CDC40: variants seen among roughly 807,000 people sequenced by gnomAD.
CDC40 encodes pre-mRNA-processing factor 17.
In CDC40, 27 loss-of-function variants were observed where a neutral mutation model predicts 80.6. The ratio of observed to expected loss-of-function variants is 0.33; its 90% CI spans 0.25 to 0.46. CDC40 has a LOEUF of 0.46. Ranked by LOEUF, CDC40 falls within the 20% of genes least tolerant of loss-of-function variation. CDC40 has a pLI of 1.00. For missense variants in CDC40, 486 were observed against 694.1 expected (o/e 0.70, Z 3.37); for synonymous variants, 221 against 232.6 (o/e 0.95, Z 0.45).
At chr6:110,223,766 A>G (rs543474656) in intron 12 of CDC40, among the ~76,000 whole-genome samples, 4 of 152,178 alleles carry the variant, frequency 2.6e-5, no homozygotes, top group Non-Finnish European at 5.9e-5. Flanking sequence ...TCTAAAGGAG[A>G]ATAAAAGCTA....
chr6:110,197,115 T>G (rs1322687412), intron 2 of CDC40, among the ~76,000 whole-genome samples: 2 of 152,184 alleles, frequency 1.3e-5, no homozygotes, highest in Non-Finnish European at 2.9e-5. Flanking sequence ...ATCCACATCC[T>G]TATAGTATCA....
chr6:110,212,684 T>C (rs762463659), intron 7 of CDC40, among the ~76,000 whole-genome samples: 7 of 152,184 alleles, frequency 4.6e-5, no homozygotes, highest in Non-Finnish European at 8.8e-5. Context: ...GTTTATAAAC[T>C]ATGGTAATTT....
chr6:110,217,395 T>C (rs1376305823), intron 9 of CDC40, among the ~76,000 whole-genome samples: 1 of 152,242 alleles, frequency 6.6e-6, no homozygotes, highest in Non-Finnish European at 1.5e-5. Flanking sequence ...TTGTATGTAC[T>C]GCATATTAAG....
intron 1 of CDC40, among the ~76,000 whole-genome samples, chr6:110,187,826 A>G (rs147966158): frequency 8.9e-4 from 135 of 152,318 alleles, no homozygotes; most frequent in African/African-American, 3.1e-3. Context: ...GGTGCCCTTC[A>G]CTTACTGCAT....
At chr6:110,193,917 A>G (rs1777385126) in intron 2 of CDC40, among the ~76,000 whole-genome samples, 1 of 152,210 alleles carries the variant, frequency 6.6e-6, no homozygotes, top group Admixed American at 6.5e-5. Flanking sequence ...ACCATAAAGG[A>G]AAATATTGGG....
intron 13 of CDC40, 55 bp from the exon 14 acceptor site, chr6:110,228,777 G>C: frequency 1.4e-6 from 2 of 1,394,654 alleles, no homozygotes. Flanking sequence ...AAAATAAAAA[G>C]TTTTAAAAAT....
intron 12 of CDC40, 60 bp downstream of exon 12, chr6:110,219,929 G>A: frequency 6.5e-7 from 1 of 1,543,640 alleles, no homozygotes. Context: ...AAATTATATA[G>A]ACAAAGATGA....
intron 1 of CDC40, among the ~76,000 whole-genome samples, chr6:110,185,194 C>A (rs982623090): frequency 6.6e-6 from 1 of 150,846 alleles, no homozygotes. Flanking sequence ...GTTTCTGTCA[C>A]TTCTTTCTTT....
rs1289302294 is a variant in CDC40 at position 110,230,962 on chromosome 6, G to A, written c.*831G>A. The A allele has an allele frequency of 6.6e-6, 1 of 152,208 alleles. No homozygotes were observed. Among genetic ancestry groups the A allele is most frequent in the East Asian group, 1.9e-4 (1 of 5,200 alleles). 9.4% of individuals were successfully genotyped at this position (152,208 alleles called of 1,614,324 possible). ...GTGATTACTGAAATCCTCCTCATAG[G>A]AGATAAAGTACGAGGGGTAGAGTCC... On this transcript the variant is annotated 3_prime_UTR_variant, in exon 15 of 15. Transcript: ENST00000307731.
intron 1 of CDC40, among the ~76,000 whole-genome samples, chr6:110,183,567 C>T (rs962658215): frequency 1.3e-5 from 2 of 152,118 alleles, no homozygotes; most frequent in Non-Finnish European, 2.9e-5. Context: ...GGGCATTGCT[C>T]ATTGTTGGTT....
Position 110,230,016 on chromosome 6 carries a change from T to C in CDC40, c.1625T>C (p.Leu542Pro). The change falls in exon 15 of 15, where the codon CTC (leucine) becomes CCC (proline). Residue 542 changes from leucine to proline, a missense_variant. Transcript: ENST00000307731. ...LNIWDWKTTK[L>P]YSRFKAHDKV... ...ATTTGGGACTGGAAGACCACAAAAC[T>C]CTACAGTCGATTTAAAGCTCATGAT... is the stretch of plus-strand genomic sequence containing the variant. 2 of 1,612,474 alleles carry C rather than the reference T, an allele frequency of 1.2e-6. No individual in the cohort carries two copies. The highest frequency in any genetic ancestry group is 1.7e-6 in the Non-Finnish European group (2 of 1,178,672).
At position 110,231,235 on chromosome 6, in the gene CDC40, C is replaced by T. The variant is rs927601012; in HGVS notation, c.*1104C>T. On this transcript the variant is annotated 3_prime_UTR_variant, in exon 15 of 15. Coordinates refer to ENST00000307731, the MANE Select transcript of CDC40 (RefSeq NM_015891.3). ...TCAAGATAGTCCGGACGCGGTGGCA[C>T]ATGCCTGTAATCCCAGCACTTTGGG... 18 of 152,394 alleles carry T rather than the reference C, an allele frequency of 1.2e-4. No individual in the cohort carries two copies. The highest frequency in any genetic ancestry group is 4.3e-4 in the African/African-American group (18 of 41,576). The allele number at this position is 152,394 out of a possible 1,614,324, so 9.4% of individuals were successfully genotyped here. A position where few individuals can be genotyped will look rare whatever the true frequency, so the allele number is the denominator to read the frequency against.
intron 1 of CDC40, among the ~76,000 whole-genome samples, chr6:110,190,261 A>C (rs1372901674): frequency 6.6e-6 from 1 of 152,242 alleles, no homozygotes; most frequent in Non-Finnish European, 1.5e-5. Flanking sequence ...GGCATTGCCT[A>C]AGGTACAAGG....
intron 2 of CDC40, among the ~76,000 whole-genome samples, chr6:110,198,657 T>G (rs144090498): frequency 2.0e-5 from 3 of 152,368 alleles, no homozygotes; most frequent in African/African-American, 7.2e-5. Context: ...ATGTTTTATG[T>G]AAGGAGATTG....
chr6:110,221,865 CTTTTTTT>C (rs200106149), intron 12 of CDC40, among the ~76,000 whole-genome samples: 1 of 121,266 alleles, frequency 8.2e-6, no homozygotes, highest in Non-Finnish European at 1.8e-5. Context: ...TAGTATGTTT[CTTTTTTT>C]TTTTTTTTTT....
At position 110,230,256 on chromosome 6, in the gene CDC40, A is replaced by T. The variant is rs1777918409; in HGVS notation, c.*125A>T. 1.7e-6 allele frequency: 1 copy of T among 602,738 alleles called. No individual in the cohort carries two copies. Among genetic ancestry groups the T allele is most frequent in the South Asian group, 2.4e-5 (1 of 41,314 alleles). 37.3% of individuals were successfully genotyped at this position (602,738 alleles called of 1,614,324 possible). ...TGTTGATGACATTGACCCTTTGTTTAAAAAAAGAAACTGTAAATTTGACAT... is the reference window on the plus strand; with the variant it reads ...TGTTGATGACATTGACCCTTTGTTTTAAAAAAGAAACTGTAAATTTGACAT... On this transcript the variant is annotated 3_prime_UTR_variant, in exon 15 of 15. Transcript: ENST00000307731.
chr6:110,193,877 C>G (rs908574573), intron 2 of CDC40, among the ~76,000 whole-genome samples: 6 of 152,314 alleles, frequency 3.9e-5, no homozygotes, highest in Middle Eastern at 3.4e-3. Context: ...ACATCTTCCT[C>G]TCAGTCTTCA....
At chr6:110,181,939 C>T (rs546012474) in intron 1 of CDC40, among the ~76,000 whole-genome samples, 47 of 152,336 alleles carry the variant, frequency 3.1e-4, no homozygotes, top group Non-Finnish European at 5.1e-4. Flanking sequence ...TTTTACTCTC[C>T]CTTTTCAATA....
intron 8 of CDC40, among the ~76,000 whole-genome samples, chr6:110,213,568 A>G (rs192448745): frequency 6.6e-6 from 1 of 152,036 alleles, no homozygotes; most frequent in African/African-American, 2.4e-5. Context: ...TTAAGCTTAG[A>G]CAACTGATGA....
Sources: allele counts gnomAD v4.1 joint callset (sites outside exome capture counted in the v4.1 genomes callset), GRCh38; gene constraint gnomAD v4.1.1; transcripts MANE v1.5; gene names NCBI Gene and HGNC (gene_info 2026-07-23, HGNC 2026-07-21).